The following PCDHA7 variants were observed in gnomAD, a reference collection of about 807,000 sequenced individuals.
PCDHA7 encodes the protein protocadherin alpha-7.
In PCDHA7, 37 loss-of-function variants were observed where a neutral mutation model predicts 57.2. The ratio of observed to expected loss-of-function variants is 0.65; its 90% CI spans 0.50 to 0.85. The LOEUF is 0.85. PCDHA7 is among the 40% of genes least tolerant of loss of function. The pLI is 0.00. For synonymous variants in PCDHA7, 553 were observed against 558.8 expected (o/e 0.99, Z 0.15); for missense variants, 1,188 against 1,241.8 (o/e 0.96, Z 0.65).
intron 1 of PCDHA7, among the ~76,000 whole-genome samples, chr5:140,926,141 A>G (rs2082938262): frequency 6.6e-6 from 1 of 152,038 alleles, no homozygotes; most frequent in Non-Finnish European, 1.5e-5. Flanking sequence ...AGCAGGATCC[A>G]GCGCGGAAAG....
At chr5:140,991,716 A>G (rs1287772391) in intron 3 of PCDHA7, among the ~76,000 whole-genome samples, 1 of 152,164 alleles carries the variant, frequency 6.6e-6, no homozygotes, top group East Asian at 1.9e-4. Flanking sequence ...TATTGCTACT[A>G]GCAGCCTGTT....
chr5:140,877,044 C>G (rs2056811009), intron 1 of PCDHA7: 2 of 1,612,634 alleles, frequency 1.2e-6, no homozygotes, highest in Non-Finnish European at 1.7e-6. Context: ...AGCCGCTAGA[C>G]CACGAGGAGC....
intron 1 of PCDHA7, chr5:140,867,891 G>C (rs1468636250): frequency 1.3e-5 from 2 of 152,016 alleles, no homozygotes; most frequent in African/African-American, 4.8e-5. Flanking sequence ...CACAATATCA[G>C]GTACTTACAG....
intron 1 of PCDHA7, chr5:140,869,286 G>C: frequency 6.2e-7 from 1 of 1,613,616 alleles, no homozygotes; most frequent in Non-Finnish European, 8.5e-7. Flanking sequence ...AGCTGGTGCA[G>C]CGCCTGTTCC....
At chr5:140,848,502 T>C (rs2150411498) in intron 1 of PCDHA7, 1 of 1,586,510 alleles carries the variant, frequency 6.3e-7, no homozygotes, top group Non-Finnish European at 8.6e-7. Context: ...TGAAATGTTA[T>C]ACTCAAGTCG....
intron 1 of PCDHA7, chr5:140,866,026 C>T (rs1273078600): frequency 7.9e-5 from 12 of 151,914 alleles, no homozygotes; most frequent in Admixed American, 4.6e-4. Context: ...TGTAAGAGTT[C>T]GTGATCATCA....
At chr5:140,995,168 A>G (rs1554254492) in intron 3 of PCDHA7, among the ~76,000 whole-genome samples, 1 of 152,186 alleles carries the variant, frequency 6.6e-6, no homozygotes. Context: ...ATGTTCTTTC[A>G]TAGGTGCACC....
chr5:140,860,223 A>G (rs2046279598), intron 1 of PCDHA7: 1 of 150,246 alleles, frequency 6.7e-6, no homozygotes, highest in African/African-American at 2.4e-5. Context: ...TTATGTATAT[A>G]TAAGCCAGGC....
intron 1 of PCDHA7, among the ~76,000 whole-genome samples, chr5:140,846,536 T>C (rs1215890170): frequency 1.3e-5 from 2 of 148,200 alleles, no homozygotes; most frequent in Admixed American, 1.4e-4. Context: ...CACCATGCCC[T>C]GCTAATTTTT....
chr5:141,010,089 G>T lies in PCDHA7; in HGVS notation c.*152G>T. On this transcript the variant is annotated 3_prime_UTR_variant, in exon 4 of 4. Coordinates refer to ENST00000525929, the MANE Select transcript of PCDHA7 (RefSeq NM_018910.3). The stretch of plus-strand genomic sequence containing the variant: ...AAAGTTCCCTGTGTCTGTCTAGAAC[G>T]CATTTAACAGGTTTTGTCGTAAAAG... 2 of 1,612,296 alleles carry T rather than the reference G, an allele frequency of 1.2e-6. No individual in the cohort carries two copies. Among genetic ancestry groups the T allele is most frequent in the East Asian group, 2.2e-5 (1 of 44,872 alleles).
intron 1 of PCDHA7, chr5:140,876,527 T>C (rs2056400042): frequency 6.2e-6 from 10 of 1,614,112 alleles, no homozygotes; most frequent in Non-Finnish European, 7.6e-6. Context: ...GAAGTAATGG[T>C]TACTTCACTG....
intron 1 of PCDHA7, among the ~76,000 whole-genome samples, chr5:140,885,031 AT>A (rs1165183992): frequency 6.6e-6 from 1 of 152,198 alleles, no homozygotes; most frequent in Non-Finnish European, 1.5e-5. Flanking sequence ...AATTTAAAAA[AT>A]TTTTAGTTTA....
At position 140,981,056 on chromosome 5, in the gene PCDHA7, G is replaced by A. The variant is rs571113984; in HGVS notation, c.2415-1419G>A. 1.5e-3 allele frequency among the ~76,000 whole-genome samples: 227 copies of A among 152,276 alleles called. 1 individual carries two copies. Among genetic ancestry groups the A allele is most frequent in the African/African-American group, 5.2e-3 (217 of 41,556 alleles). ...GGGAAAAAAAACAGATAATTCTAGA[G>A]TGTAGACAAGGGGAAGAATAGTAAA... On this transcript the variant is annotated intron_variant, in intron 2 of 3. Transcript: ENST00000525929.
intron 1 of PCDHA7, among the ~76,000 whole-genome samples, chr5:140,963,268 T>C (rs1329086504): frequency 6.6e-6 from 1 of 152,042 alleles, no homozygotes; most frequent in African/African-American, 2.4e-5. Flanking sequence ...GACTTTGAAA[T>C]GTATGTAAGA....
At chr5:140,857,489 G>A (rs1168742927) in intron 1 of PCDHA7, 3 of 1,598,334 alleles carry the variant, frequency 1.9e-6, no homozygotes, top group African/African-American at 1.3e-5. Context: ...TGCGTGGGAC[G>A]CGGACGCGCA....
chr5:141,008,036 C>G (rs1372261299), intron 3 of PCDHA7, among the ~76,000 whole-genome samples: 1 of 151,938 alleles, frequency 6.6e-6, no homozygotes, highest in Non-Finnish European at 1.5e-5. Context: ...GTTAATCTGC[C>G]TTTTGTAACA....
rs2150258506 is a variant in PCDHA7, at chr5:140,836,354, C to A, written c.1971C>A (p.Pro657=). The A allele has an allele frequency of 1.2e-6, 2 of 1,613,672 alleles. No individual in the cohort carries two copies. Among genetic ancestry groups the A allele is most frequent in the Admixed American group, 3.3e-5 (2 of 60,016 alleles). ...TGCTTGTGAAGGACCACGGGGAGCC[C>A]TCGCTGACAGCCACAGCCACCGTGC... ...LLVLVKDHGE[P]SLTATATVLV... is the part of the protein sequence containing the mutation. The change falls in exon 1 of 4, where the codon CCC becomes CCA. Residue 657 remains proline (P), a synonymous_variant. Transcript: ENST00000525929.
intron 1 of PCDHA7, among the ~76,000 whole-genome samples, chr5:140,958,318 CA>C (rs2095417948): frequency 6.6e-6 from 1 of 151,816 alleles, no homozygotes; most frequent in Non-Finnish European, 1.5e-5. Flanking sequence ...AATTAGAGCT[CA>C]AAAAATAAAT....
In PCDHA7 at chr5:140,849,950, G is replaced by A. The variant is rs2150459734; in HGVS notation, c.2355+13212G>A. The A allele has an allele frequency of 1.4e-5, 22 of 1,598,026 alleles. 5 individuals carry two copies. In the African/African-American group the frequency reaches 2.5e-4, roughly 19 times the overall value. ...TGTCTGCGCGGGACGCTGACGCGCA[G>A]GAGAACGCCCTGGTGTCCTACTCGC... On this transcript the variant is annotated intron_variant, in intron 1 of 3. Transcript: ENST00000525929.
Sources: allele counts gnomAD v4.1 joint callset (sites outside exome capture counted in the v4.1 genomes callset), GRCh38; gene constraint gnomAD v4.1.1; transcripts MANE v1.5; gene names NCBI Gene and HGNC (gene_info 2026-07-23, HGNC 2026-07-21).